The following GPC3 variants were observed in gnomAD, a reference collection of about 807,000 sequenced individuals.
GPC3 encodes the protein glypican-3.
Under a neutral mutation model 34.4 loss-of-function variants are expected in GPC3, and 3 were observed. The ratio of observed to expected loss-of-function variants is 0.09; its 90% confidence interval spans 0.04 to 0.23. The LOEUF is 0.23. GPC3 is among the 10% of genes least tolerant of loss of function. The probability of loss-of-function intolerance (pLI) is 1.00; values close to 1 mark genes in which losing one functional copy is unlikely to be tolerated. For missense variants in GPC3, 351 were observed against 445.6 expected, an observed-to-expected ratio of 0.79 and a Z score of 1.91; for synonymous variants, 177 against 174.0, an observed-to-expected ratio of 1.02 and a Z score of -0.13.
intron 2 of GPC3, among the ~76,000 whole-genome samples, chrX:133,819,150 C>A (rs1326083013): frequency 9.2e-5 from 6 of 64,909 alleles, no homozygotes; most frequent in Non-Finnish European, 1.4e-4. Context: ...CCCCTCCCCC[C>A]ACCCCACAAC....
intron 5 of GPC3, 75 bp downstream of exon 5, chrX:133,692,294 C>T: frequency 1.9e-6 from 2 of 1,035,285 alleles, no homozygotes; most frequent in Non-Finnish European, 2.7e-6. Flanking sequence ...AGATAGAAGA[C>T]ATAATTAACT....
rs140109481 is a variant in GPC3, at chrX:133,884,215, C to T, written c.337+68835G>A. ...CAAAAGATGTGCAGCCACTTAACTG[C>T]GTTTACCAATTGCCCTAAGAAATTT... is the stretch of plus-strand genomic sequence containing the variant. On this transcript the variant is annotated intron_variant, in intron 2 of 7. Coordinates refer to ENST00000370818, the MANE Select transcript of GPC3 (RefSeq NM_004484.4). Among the ~76,000 whole-genome samples, 28 of 111,569 alleles carry T rather than the reference C, an allele frequency of 2.5e-4. No homozygotes were observed. In the East Asian group the frequency reaches 6.5e-3, roughly 26 times the overall value.
intron 7 of GPC3, among the ~76,000 whole-genome samples, chrX:133,560,250 C>T (rs781320736): frequency 2.7e-5 from 3 of 111,760 alleles, no homozygotes; most frequent in Non-Finnish European, 5.6e-5. Context: ...ACTTTCTCAG[C>T]TTGTGAGGCT....
intron 2 of GPC3, among the ~76,000 whole-genome samples, chrX:133,818,100 C>T (rs149958601): frequency 0.015 from 1,643 of 111,517 alleles, 36 homozygotes; most frequent in African/African-American, 0.051. Context: ...TAAATGACGG[C>T]ACCATATCTG....
At chrX:133,661,564 C>A (rs1460176926) in intron 6 of GPC3, among the ~76,000 whole-genome samples, 166 bp downstream of exon 6, 1 of 66,113 alleles carries the variant, frequency 1.5e-5, no homozygotes, top group African/African-American at 6.1e-5. Context: ...GGCTATATCT[C>A]TCTTTCTCTC....
chrX:133,893,512 TTC>T (rs1229276979), intron 2 of GPC3, among the ~76,000 whole-genome samples: 1 of 112,202 alleles, frequency 8.9e-6, no homozygotes, highest in African/African-American at 3.2e-5. Flanking sequence ...TAATATTTAA[TTC>T]TGTTTTTAAT....
chrX:133,906,957 T>G (rs994461191), intron 2 of GPC3, among the ~76,000 whole-genome samples: 1 of 109,720 alleles, frequency 9.1e-6, no homozygotes, highest in Non-Finnish European at 1.9e-5. Context: ...AAAAATTAGC[T>G]GGGCGTGGTG....
intron 2 of GPC3, among the ~76,000 whole-genome samples, chrX:133,890,382 T>C (rs1028412519): frequency 2.1e-4 from 23 of 110,381 alleles, no homozygotes; most frequent in African/African-American, 6.9e-4. Flanking sequence ...TGTGCAAAAA[T>C]ATGCAAACAA....
intron 3 of GPC3, among the ~76,000 whole-genome samples, chrX:133,700,470 T>C (rs1483366562): frequency 9.0e-6 from 1 of 111,073 alleles, no homozygotes; most frequent in Admixed American, 9.6e-5. Context: ...AAGCACAGAG[T>C]GCTCCCAATT....
At chrX:133,661,642 CCTCTCT>C (rs1428412834) in intron 6 of GPC3, 82 bp downstream of exon 6, 7 of 23,793 alleles carry the variant, frequency 2.9e-4, no homozygotes, top group African/African-American at 1.3e-3. Flanking sequence ...CTCCCCCCCC[CCTCTCT>C]CTCCCCCTCT....
intron 2 of GPC3, among the ~76,000 whole-genome samples, chrX:133,825,848 T>C (rs2075743521): frequency 9.0e-6 from 1 of 111,571 alleles, no homozygotes; most frequent in Non-Finnish European, 1.9e-5. Flanking sequence ...GATGCCCCAA[T>C]ATACACACAG....
chrX:133,685,091 T>C (rs1297551136), intron 5 of GPC3, among the ~76,000 whole-genome samples: 1 of 111,417 alleles, frequency 9.0e-6, no homozygotes, highest in Non-Finnish European at 1.9e-5. Context: ...CTCCAAAAGC[T>C]ATAGAAATAA....
chrX:133,650,445 C>CCACA (rs374714784), intron 6 of GPC3, among the ~76,000 whole-genome samples: 1 of 93,824 alleles, frequency 1.1e-5, no homozygotes, highest in East Asian at 3.4e-4. Context: ...TTAAACACAC[C>CCACA]CACACACCCA....
chrX:133,554,487 T>C (rs1206339408), intron 7 of GPC3, among the ~76,000 whole-genome samples: 1 of 110,907 alleles, frequency 9.0e-6, no homozygotes, highest in Non-Finnish European at 1.9e-5. Context: ...TTTAACTTCC[T>C]TGTAGTTTCA....
chrX:133,549,222 G>A (rs1299075752), intron 7 of GPC3, among the ~76,000 whole-genome samples: 1 of 110,593 alleles, frequency 9.0e-6, no homozygotes, highest in African/African-American at 3.3e-5. Flanking sequence ...CCCCACCACC[G>A]CCACCCACAG....
At chrX:133,838,187 C>G (rs773727723) in intron 2 of GPC3, among the ~76,000 whole-genome samples, 1 of 112,501 alleles carries the variant, frequency 8.9e-6, no homozygotes, top group Admixed American at 9.4e-5. Context: ...TAAAAAGTAA[C>G]CCCATTTTTC....
chrX:133,831,681 G>GA (rs1016363119), intron 2 of GPC3, among the ~76,000 whole-genome samples: 10 of 111,928 alleles, frequency 8.9e-5, no homozygotes, highest in Non-Finnish European at 1.5e-4. Context: ...GATGAGCTGA[G>GA]ATCGTGCCAT....
chrX:133,668,240 C>A (rs2070789300), intron 5 of GPC3, among the ~76,000 whole-genome samples: 1 of 111,579 alleles, frequency 9.0e-6, no homozygotes, highest in African/African-American at 3.3e-5. Context: ...TAACTCCGAC[C>A]TGCCTATTTC....
chrX:133,745,515 G>A (rs1327187407), intron 3 of GPC3, among the ~76,000 whole-genome samples: 2 of 112,851 alleles, frequency 1.8e-5, no homozygotes, highest in East Asian at 5.6e-4. Flanking sequence ...GAGGCCCACA[G>A]TAGCAGAATT....
Sources: allele counts gnomAD v4.1 joint callset (sites outside exome capture counted in the v4.1 genomes callset), GRCh38; gene constraint gnomAD v4.1.1; transcripts MANE v1.5; gene names NCBI Gene and HGNC (gene_info 2026-07-23, HGNC 2026-07-21).